Variants in HIPK3 observed in about 807,000 individuals in gnomAD.
HIPK3 encodes homeodomain interacting protein kinase 3.
A neutral mutation model predicts 124.2 loss-of-function variants in HIPK3; 47 were observed. That is an observed-to-expected ratio of 0.38 (90% confidence interval 0.30 to 0.48). The LOEUF (loss-of-function observed/expected upper bound fraction) is 0.48, where lower values mean the gene tolerates loss of function less well. Among genes scored for constraint, HIPK3 ranks in the 20% least tolerant of loss-of-function variants. HIPK3 has a pLI of 0.98. For missense variants in HIPK3, 1,286 were observed against 1,454.3 expected (o/e 0.88, Z 1.88); for synonymous variants, 482 against 515.2 (o/e 0.94, Z 0.87).
At position 33,338,789 on chromosome 11, in the gene HIPK3, G is replaced by C. The variant is rs1853240256; in HGVS notation, c.1374G>C (p.Met458Ile). ...AAGAGCATGAGGCAGAGACAGGAAT[G>C]AAGTCTAAAGAAGCCAGAAAATACA... ...TLEEHEAETG[M>I]KSKEARKYIF... is the part of the protein sequence containing the mutation. The change falls in exon 5 of 17, where the codon ATG becomes ATC. Residue 458 changes from methionine (M) to isoleucine (I), a missense_variant. Met to Ile is a conservative substitution (Grantham distance 10). Around this residue, in one of 3 missense-constraint regions of HIPK3, gnomAD observed 251 missense variants for 349.1 expected, o/e 0.72. Transcript: ENST00000303296. The C allele has an allele frequency of 6.2e-7, 1 of 1,612,256 alleles. No homozygotes were observed.
At position 33,308,613 on chromosome 11, in the gene HIPK3, G is replaced by GGTGTGTGT. The variant is rs10628141; in HGVS notation, c.1098-19875_1098-19868dup. 6.2e-3 allele frequency among the ~76,000 whole-genome samples: 920 copies of GGTGTGTGT among 147,462 alleles called. 6 individuals carry two copies. Among genetic ancestry groups the GGTGTGTGT allele is most frequent in the East Asian group, 0.027 (136 of 5,022 alleles). ...CTTGATCTACAGGTGTGTGCCTAGG[G>GGTGTGTGT]GTGTGTGTGTGTGTGTGTGTGTGTG... On this transcript the variant is annotated intron_variant, in intron 2 of 16. Transcript: ENST00000303296.
At chr11:33,291,847 T>C (rs754618205) in intron 2 of HIPK3, among the ~76,000 whole-genome samples, 7 of 152,244 alleles carry the variant, frequency 4.6e-5, no homozygotes, top group Non-Finnish European at 1.5e-5. Context: ...TATTCTTTGC[T>C]ACTCTACTGA....
At chr11:33,267,374 A>G (rs1311456341) in intron 1 of HIPK3, among the ~76,000 whole-genome samples, 1 of 152,058 alleles carries the variant, frequency 6.6e-6, no homozygotes. Flanking sequence ...TTGCCTCCCA[A>G]AGTGTTGGGA....
intron 1 of HIPK3, among the ~76,000 whole-genome samples, chr11:33,273,191 A>G (rs1354701669): frequency 6.6e-6 from 1 of 152,076 alleles, no homozygotes; most frequent in Admixed American, 6.6e-5. Flanking sequence ...TTTGAAAATT[A>G]AAAAGAGTAT....
intron 1 of HIPK3, among the ~76,000 whole-genome samples, chr11:33,285,278 ATGATTTGAAATT>A (rs1258483592): frequency 1.3e-5 from 2 of 151,876 alleles, no homozygotes; most frequent in Non-Finnish European, 2.9e-5. Context: ...TTTTTCAAAT[ATGATTTGAAATT>A]TGATTTGAAA....
At chr11:33,258,795 C>A in intron 1 of HIPK3, 1 of 887,264 alleles carries the variant, frequency 1.1e-6, no homozygotes, top group Non-Finnish European at 1.4e-6. Context: ...ACAGAGTAGT[C>A]GTAACACGTT....
At chr11:33,345,307 A>G (rs1225646824) in intron 8 of HIPK3, among the ~76,000 whole-genome samples, 1 of 152,180 alleles carries the variant, frequency 6.6e-6, no homozygotes, top group Non-Finnish European at 1.5e-5. Context: ...TTAGAGTAAA[A>G]TATATTCCAG....
chr11:33,327,118 A>G (rs1852833887), intron 2 of HIPK3, among the ~76,000 whole-genome samples: 1 of 152,250 alleles, frequency 6.6e-6, no homozygotes, highest in Non-Finnish European at 1.5e-5. Flanking sequence ...TGGATTATTT[A>G]TATAGTTTCA....
chr11:33,322,128 T>A (rs1852681867), intron 2 of HIPK3, among the ~76,000 whole-genome samples: 1 of 152,048 alleles, frequency 6.6e-6, no homozygotes, highest in South Asian at 2.1e-4. Flanking sequence ...GCCTCCCGAG[T>A]AGCTGGGACT....
chr11:33,311,043 C>T (rs1852321149), intron 2 of HIPK3, among the ~76,000 whole-genome samples: 1 of 152,180 alleles, frequency 6.6e-6, no homozygotes, highest in African/African-American at 2.4e-5. Flanking sequence ...TCTGTTCAGC[C>T]TCTATGCCTT....
intron 8 of HIPK3, among the ~76,000 whole-genome samples, chr11:33,342,039 G>A (rs1318383889): frequency 6.8e-6 from 1 of 146,628 alleles, no homozygotes; most frequent in Non-Finnish European, 1.5e-5. Flanking sequence ...GAAAGTGGAG[G>A]TTGCAGAGAG....
chr11:33,275,601 A>G (rs988814643), intron 1 of HIPK3, among the ~76,000 whole-genome samples: 2 of 152,144 alleles, frequency 1.3e-5, no homozygotes, highest in Non-Finnish European at 2.9e-5. Flanking sequence ...TACTGGCTAC[A>G]TATTGTTATA....
At position 33,347,916 on chromosome 11, in the gene HIPK3, A is replaced by T; in HGVS notation, c.2209A>T (p.Ile737Leu). ...GCCGCAGCCTCTTCTGACCAATCAG[A>T]TAACTTTATCTGCCCCTCAGCCAGT... is the stretch of plus-strand genomic sequence containing the variant. ...VMPQPLLTNQ[I>L]TLSAPQPVSV... is the part of the protein sequence containing the mutation. Residue 737 changes from isoleucine to leucine, a missense_variant, in exon 11 of 17, where the codon ATA becomes TTA. By Grantham distance (5) the Ile-to-Leu change is conservative. Around this residue, in one of 3 missense-constraint regions of HIPK3, gnomAD observed 810 missense variants for 864.9 expected, o/e 0.94. Transcript: ENST00000303296. The T allele has an allele frequency of 6.2e-7, 1 of 1,614,178 alleles. No individual in the cohort carries two copies. Among genetic ancestry groups the T allele is most frequent in the African/African-American group, 1.3e-5 (1 of 75,054 alleles).
intron 2 of HIPK3, among the ~76,000 whole-genome samples, chr11:33,302,679 A>G (rs1305491676): frequency 6.6e-6 from 1 of 152,166 alleles, no homozygotes; most frequent in East Asian, 1.9e-4. Flanking sequence ...GTTTGATTCA[A>G]TAAGTGATTT....
chr11:33,323,882 A>G (rs1208049985), intron 2 of HIPK3, among the ~76,000 whole-genome samples: 2 of 152,238 alleles, frequency 1.3e-5, no homozygotes, highest in Non-Finnish European at 1.5e-5. Flanking sequence ...TATTATTTAT[A>G]GAGTGGGAGA....
chr11:33,265,996 A>AT (rs1850950389), intron 1 of HIPK3, among the ~76,000 whole-genome samples: 1 of 147,490 alleles, frequency 6.8e-6, no homozygotes. Context: ...AGGCAGGAGA[A>AT]TGGCGTGAAC....
intron 2 of HIPK3, among the ~76,000 whole-genome samples, chr11:33,292,955 TC>T (rs1442578115): frequency 6.6e-6 from 1 of 152,176 alleles, no homozygotes; most frequent in Non-Finnish European, 1.5e-5. Context: ...GCCAGGATGG[TC>T]TCGATCTCCT....
At chr11:33,316,784 C>G (rs920154232) in intron 2 of HIPK3, among the ~76,000 whole-genome samples, 1 of 152,130 alleles carries the variant, frequency 6.6e-6, no homozygotes, top group Non-Finnish European at 1.5e-5. Context: ...GATTGCATCA[C>G]TGCTCTCCAG....
chr11:33,283,973 C>T (rs1565062361), intron 1 of HIPK3, among the ~76,000 whole-genome samples: 1 of 152,092 alleles, frequency 6.6e-6, no homozygotes, highest in African/African-American at 2.4e-5. Flanking sequence ...CCGTGCCTGG[C>T]CAACTTTAGT....
Sources: gnomAD v4.1 joint callset for allele counts (sites outside exome capture counted in the v4.1 genomes callset) on GRCh38, gnomAD v4.1.1 for gene constraint, gnomAD v4.1.1 regional missense constraint, MANE v1.5 for transcripts, NCBI Gene and HGNC (gene_info 2026-07-23, HGNC 2026-07-21) for gene names.